Variants in RAB12 observed in about 807,000 individuals in gnomAD.
RAB12 encodes the protein RAB12, member RAS oncogene family, also known as ras-related protein Rab-12.
RAB12 carries 11 observed loss-of-function variants against 28.4 expected under a neutral mutation model. That is an observed-to-expected ratio of 0.39 (90% CI 0.24 to 0.64). The LOEUF (loss-of-function observed/expected upper bound fraction) is 0.64, where lower values mean the gene tolerates loss of function less well. Ranked by LOEUF, RAB12 falls within the 30% of genes least tolerant of loss-of-function variation. RAB12 has a pLI of 0.50. For synonymous variants in RAB12, 138 were observed against 145.3 expected (o/e 0.95, Z 0.36); for missense variants, 276 against 351.1 (o/e 0.79, Z 1.71).
intron 2 of RAB12, among the ~76,000 whole-genome samples, chr18:8,631,875 C>T (rs1040452197): frequency 2.0e-5 from 3 of 152,004 alleles, no homozygotes; most frequent in Admixed American, 6.6e-5. Context: ...CAAAATTTCA[C>T]TCTGGAAAGA....
intron 2 of RAB12, among the ~76,000 whole-genome samples, chr18:8,626,809 C>G (rs181886882): frequency 6.6e-6 from 1 of 152,332 alleles, no homozygotes; most frequent in Admixed American, 6.5e-5. Context: ...TTTTCATTCT[C>G]TAAATCTGTG....
chr18:8,611,054 C>T (rs2096003512), intron 1 of RAB12, among the ~76,000 whole-genome samples: 2 of 152,118 alleles, frequency 1.3e-5, no homozygotes, highest in Admixed American at 6.5e-5. Flanking sequence ...TTTGTACTGT[C>T]TTTCTTGGTT....
intron 1 of RAB12, among the ~76,000 whole-genome samples, chr18:8,612,855 A>G (rs1315183698): frequency 6.6e-6 from 1 of 152,012 alleles, no homozygotes; most frequent in Non-Finnish European, 1.5e-5. Flanking sequence ...AGTAGAGACA[A>G]AGTCTTGCTA....
rs373829340 is a variant in RAB12 at position 8,616,379 on chromosome 18, TA to T, written c.514+6447del. On this transcript the variant is annotated intron_variant, in intron 1 of 5. Coordinates refer to ENST00000649141, the MANE Select transcript of RAB12 (RefSeq NM_001025300.3). Reference sequence around the variant, plus strand: ...TGTGCCCTTAATTGAGTGTGATTGTTAAAAAAAAAAAAAAAAAAAAACTTGT... The same window carrying T: ...TGTGCCCTTAATTGAGTGTGATTGTTAAAAAAAAAAAAAAAAAAAACTTGT... Among the ~76,000 whole-genome samples, 590 of 121,442 alleles carry T rather than the reference TA, an allele frequency of 4.9e-3. 1 individual carries two copies. The highest frequency in any genetic ancestry group is 9.8e-3 in the African/African-American group (325 of 33,086). The allele number at this position is 121,442 out of a possible 152,430, so 79.7% of individuals were successfully genotyped here.
intron 2 of RAB12, chr18:8,632,930 T>C (rs1396309731): frequency 2.3e-6 from 1 of 439,056 alleles, no homozygotes; most frequent in Non-Finnish European, 4.0e-6. Context: ...CAGGAGAGTA[T>C]GTTGATCTTG....
intron 1 of RAB12, among the ~76,000 whole-genome samples, chr18:8,611,530 C>T (rs73942005): frequency 0.024 from 3,713 of 152,138 alleles, 130 homozygotes; most frequent in African/African-American, 0.084. Context: ...AGTGGAGCAG[C>T]CCCCCACCTC....
chr18:8,611,121 A>G (rs2148705110), intron 1 of RAB12, among the ~76,000 whole-genome samples: 1 of 152,274 alleles, frequency 6.6e-6, no homozygotes, highest in Non-Finnish European at 1.5e-5. Flanking sequence ...TTTTGGAAAT[A>G]TTTGTGATGT....
At chr18:8,633,969 A>T (rs2096017412) in intron 3 of RAB12, among the ~76,000 whole-genome samples, 1 of 152,128 alleles carries the variant, frequency 6.6e-6, no homozygotes, top group African/African-American at 2.4e-5. Context: ...CCACATTTTG[A>T]GTTTTCTTCC....
chr18:8,619,619 T>C (rs2096008632), intron 1 of RAB12, among the ~76,000 whole-genome samples: 1 of 152,190 alleles, frequency 6.6e-6, no homozygotes, highest in Non-Finnish European at 1.5e-5. Flanking sequence ...TAATAACCTT[T>C]CATTGTGGGC....
intron 1 of RAB12, among the ~76,000 whole-genome samples, chr18:8,619,693 T>C (rs1225176122): frequency 6.6e-6 from 1 of 152,180 alleles, no homozygotes; most frequent in Non-Finnish European, 1.5e-5. Context: ...TGTAGGCAAA[T>C]TACCCTGTCC....
chr18:8,622,992 C>T (rs1374834904), intron 1 of RAB12, among the ~76,000 whole-genome samples: 1 of 152,186 alleles, frequency 6.6e-6, no homozygotes, highest in African/African-American at 2.4e-5. Flanking sequence ...CTCTTGTTCC[C>T]TGAACATTGC....
intron 1 of RAB12, among the ~76,000 whole-genome samples, chr18:8,610,857 C>T (rs962875625): frequency 6.6e-6 from 1 of 152,130 alleles, no homozygotes; most frequent in Non-Finnish European, 1.5e-5. Context: ...GTCCAAGAAA[C>T]TGAGTAGTCA....
rs2096018853 is a variant in RAB12 at position 8,636,264 on chromosome 18, G to C, written c.816G>C (p.Gln272His). 4 of 1,612,452 alleles carry C rather than the reference G, an allele frequency of 2.5e-6. No individual in the cohort carries two copies. Among genetic ancestry groups the C allele is most frequent in the Middle Eastern group, 1.7e-4 (1 of 6,060 alleles). The change falls in exon 5 of 6, where the codon CAG becomes CAC. Residue 272 changes from glutamine (Q) to histidine (H), a missense_variant. Physicochemically the swap from Gln to His is conservative, Grantham distance 24. Transcript: ENST00000649141. ...GTGTTTCTTCTCAGTTTGCACAGCA[G>C]ATCACTGGGATGCGGTTCTGTGAAG... ...TRQQGEKFAQ[Q>H]ITGMRFCEAS...
chr18:8,609,627 C>T lies in RAB12; in HGVS notation c.188C>T (p.Pro63Leu), dbSNP rs777764533. Residue 63 changes from proline to leucine, a missense_variant, in exon 1 of 6, where the codon CCC (proline) becomes CTC (leucine). Around this residue, in one of 4 missense-constraint regions of RAB12, gnomAD observed 72 missense variants for 55.5 expected, o/e 1.30. Coordinates refer to ENST00000649141, the MANE Select transcript of RAB12 (RefSeq NM_001025300.3). ...GCGGAAGCCGAGCCCGGGGCCGACC[C>T]CCCGCGCGCGGCGGAGGCCGAGGGG... ...QRAEAEPGAD[P>L]PRAAEAEGAP... The T allele has an allele frequency of 1.4e-5, 7 of 501,556 alleles. No individual in the cohort carries two copies. The highest frequency in any genetic ancestry group is 1.8e-5 in the Non-Finnish European group (7 of 390,506). The allele number at this position is 501,556 out of a possible 1,614,324, so 31.1% of individuals were successfully genotyped here.
chr18:8,637,667 A>ACCCCCT, intron 5 of RAB12, among the ~76,000 whole-genome samples: 1 of 152,216 alleles, frequency 6.6e-6, no homozygotes, highest in Non-Finnish European at 1.5e-5. Context: ...AAACAGTCAG[A>ACCCCCT]AATCTGAGTA....
intron 1 of RAB12, among the ~76,000 whole-genome samples, chr18:8,620,165 C>CTTT (rs2096009078): frequency 4.0e-5 from 3 of 75,432 alleles, no homozygotes; most frequent in Admixed American, 2.3e-4. Context: ...TTTTTTGCTT[C>CTTT]AAAAAAAAAA....
intron 3 of RAB12, chr18:8,635,321 C>A (rs1342508393): frequency 5.0e-6 from 2 of 403,596 alleles, no homozygotes; most frequent in Non-Finnish European, 8.8e-6. Context: ...CATTGTGGTT[C>A]TTAATGCCTG....
chr18:8,634,360 G>A (rs1003502865), intron 3 of RAB12, among the ~76,000 whole-genome samples: 2 of 150,040 alleles, frequency 1.3e-5, no homozygotes, highest in Non-Finnish European at 3.0e-5. Flanking sequence ...GACCTGAGGC[G>A]GGGCCCCTGC....
At chr18:8,619,498 G>A (rs1396691935) in intron 1 of RAB12, among the ~76,000 whole-genome samples, 1 of 152,248 alleles carries the variant, frequency 6.6e-6, no homozygotes, top group Non-Finnish European at 1.5e-5. Context: ...CAGCCAGCAA[G>A]AAGGCAGAGC....
Sources: gnomAD v4.1 joint callset for allele counts (sites outside exome capture counted in the v4.1 genomes callset) on GRCh38, gnomAD v4.1.1 for gene constraint, gnomAD v4.1.1 regional missense constraint, MANE v1.5 for transcripts, NCBI Gene and HGNC (gene_info 2026-07-23, HGNC 2026-07-21) for gene names.